The following RYR3 variants were observed in gnomAD, a reference collection of about 807,000 sequenced individuals.
The protein encoded by RYR3 is brain ryanodine receptor-calcium release channel.
RYR3 carries 207 observed loss-of-function variants against 584.3 expected under a neutral mutation model. The observed-to-expected ratio is 0.35, with a 90% CI of 0.32 to 0.40. The LOEUF is 0.40. Among genes scored for constraint, RYR3 ranks in the 10% least tolerant of loss-of-function variants. RYR3 has a pLI of 1.00. For missense variants in RYR3, 5,616 were observed against 6,089.2 expected (o/e 0.92, Z 2.59); for synonymous variants, 2,416 against 2,248.5 (o/e 1.07, Z -2.11).
chr15:33,624,501 T>G (rs992297546), intron 20 of RYR3, among the ~76,000 whole-genome samples: 2 of 151,948 alleles, frequency 1.3e-5, no homozygotes, highest in African/African-American at 4.8e-5. Flanking sequence ...ATAAAAGAAA[T>G]GGTATAAATA....
chr15:33,576,116 A>G (rs559765536), intron 12 of RYR3, among the ~76,000 whole-genome samples: 1 of 152,292 alleles, frequency 6.6e-6, no homozygotes, highest in South Asian at 2.1e-4. Context: ...AGGCAGTAAT[A>G]AATAGCCTAC....
Position 33,570,807 on chromosome 15 carries a change from G to A in RYR3, c.1268+4008G>A, listed in dbSNP as rs148856825. Among the ~76,000 whole-genome samples the A allele has an allele frequency of 4.4e-4, 63 of 144,578 alleles. 2 individuals carry two copies. In the East Asian group the frequency reaches 0.012, roughly 28 times the overall value. The allele number at this position is 144,578 out of a possible 152,430, so 94.8% of individuals were successfully genotyped here. On this transcript the variant is annotated intron_variant, in intron 12 of 103. Coordinates refer to ENST00000634891, the MANE Select transcript of RYR3 (RefSeq NM_001036.6). Reference sequence around the variant, plus strand: ...CTTCTTTTATGAAATGTATTCCTATGTATTTGATTCTTTTTGGTGCTACTA... The same window carrying A: ...CTTCTTTTATGAAATGTATTCCTATATATTTGATTCTTTTTGGTGCTACTA...
intron 1 of RYR3, among the ~76,000 whole-genome samples, chr15:33,464,517 CAT>C (rs2048334471): frequency 7.7e-6 from 1 of 129,152 alleles, no homozygotes; most frequent in African/African-American, 2.8e-5. Flanking sequence ...TACACATACA[CAT>C]ATATGTACAT....
At chr15:33,836,795 A>G in intron 87 of RYR3, 111 bp from the exon 88 acceptor site, 1 of 722,274 alleles carries the variant, frequency 1.4e-6, no homozygotes, top group Admixed American at 2.4e-5. Context: ...CTCTTTCCCG[A>G]CACTGATGCA....
chr15:33,670,354 C>G, intron 37 of RYR3, 65 bp from the exon 38 acceptor site: 3 of 1,553,148 alleles, frequency 1.9e-6, no homozygotes, highest in East Asian at 2.3e-5. Context: ...TTTAAATGTT[C>G]TTTGTGACAC....
At chr15:33,570,533 C>A (rs1423424884) in intron 12 of RYR3, among the ~76,000 whole-genome samples, 3 of 152,030 alleles carry the variant, frequency 2.0e-5, no homozygotes, top group African/African-American at 7.2e-5. Context: ...CAATTTTTTA[C>A]TTCTTTGCAA....
At chr15:33,410,038 CTATT>C (rs1393897074) in intron 1 of RYR3, among the ~76,000 whole-genome samples, 1 of 152,172 alleles carries the variant, frequency 6.6e-6, no homozygotes, top group Non-Finnish European at 1.5e-5. Flanking sequence ...TTGAAGGAAA[CTATT>C]TATATTCCCT....
chr15:33,689,522 T>C lies in RYR3; in HGVS notation c.5861-6696T>C, dbSNP rs184423033. On this transcript the variant is annotated intron_variant, in intron 38 of 103. Coordinates refer to ENST00000634891, the MANE Select transcript of RYR3 (RefSeq NM_001036.6). ...GGAACATAGCATTCCAAAATAATCATAGCAAAGCATAATGTCTTTTTCATC... is the reference window on the plus strand; with the variant it reads ...GGAACATAGCATTCCAAAATAATCACAGCAAAGCATAATGTCTTTTTCATC... Among the ~76,000 whole-genome samples, 4 of 152,282 alleles carry C rather than the reference T, an allele frequency of 2.6e-5. No homozygotes were observed. The East Asian group carries it at 7.7e-4, about 29-fold the overall frequency.
intron 1 of RYR3, among the ~76,000 whole-genome samples, chr15:33,391,861 CTG>C (rs1353315299): frequency 6.6e-6 from 1 of 152,066 alleles, no homozygotes; most frequent in Non-Finnish European, 1.5e-5. Context: ...CTCTGCAACA[CTG>C]TATCCTTATG....
chr15:33,735,366 C>T (rs185365374), intron 48 of RYR3, among the ~76,000 whole-genome samples: 1 of 152,198 alleles, frequency 6.6e-6, no homozygotes, highest in African/African-American at 2.4e-5. Flanking sequence ...CTTTTGTTCT[C>T]CATCTGCATA....
intron 85 of RYR3, among the ~76,000 whole-genome samples, chr15:33,830,475 C>T (rs1406073053): frequency 6.6e-6 from 1 of 152,208 alleles, no homozygotes; most frequent in Non-Finnish European, 1.5e-5. Flanking sequence ...GTAAACATAA[C>T]TTTGATGTAC....
intron 100 of RYR3, 66 bp downstream of exon 100, chr15:33,859,797 T>A (rs970026897): frequency 8.1e-6 from 12 of 1,473,998 alleles, no homozygotes; most frequent in Admixed American, 2.0e-5. Flanking sequence ...TTCTTCCATC[T>A]ATGACTTAAT....
At chr15:33,717,046 T>A (rs1596297312) in intron 43 of RYR3, among the ~76,000 whole-genome samples, 1 of 152,214 alleles carries the variant, frequency 6.6e-6, no homozygotes. Flanking sequence ...GCATATTTCA[T>A]GAAAAAGCTA....
At chr15:33,559,686 G>A (rs2057299063) in intron 10 of RYR3, among the ~76,000 whole-genome samples, 1 of 152,198 alleles carries the variant, frequency 6.6e-6, no homozygotes, top group South Asian at 2.1e-4. Flanking sequence ...CCAGCTAGAG[G>A]AGGTCTGGCT....
intron 2 of RYR3, among the ~76,000 whole-genome samples, chr15:33,499,111 C>T (rs906520476): frequency 1.1e-4 from 16 of 152,034 alleles, no homozygotes; most frequent in Admixed American, 2.0e-4. Flanking sequence ...CAAGAGTACC[C>T]AAGACCCAGT....
chr15:33,758,237 A>G (rs1309651690), intron 60 of RYR3, among the ~76,000 whole-genome samples: 1 of 152,196 alleles, frequency 6.6e-6, no homozygotes, highest in African/African-American at 2.4e-5. Flanking sequence ...ACACTGAGCT[A>G]GCTGCAGAAG....
At chr15:33,583,055 C>T (rs2058674049) in intron 14 of RYR3, among the ~76,000 whole-genome samples, 1 of 152,166 alleles carries the variant, frequency 6.6e-6, no homozygotes, top group Non-Finnish European at 1.5e-5. Context: ...GCAGTATCAT[C>T]TGCCAGTGGC....
intron 60 of RYR3, among the ~76,000 whole-genome samples, chr15:33,760,076 A>G (rs936994327): frequency 1.3e-5 from 2 of 152,218 alleles, no homozygotes; most frequent in African/African-American, 4.8e-5. Context: ...CTTTACAGAC[A>G]AGCAAATGCT....
intron 36 of RYR3, among the ~76,000 whole-genome samples, chr15:33,665,601 G>A (rs2063451750): frequency 6.6e-6 from 1 of 152,176 alleles, no homozygotes. Flanking sequence ...ATCTTGGGAA[G>A]GACAAGGTTT....
Sources: allele counts gnomAD v4.1 joint callset (sites outside exome capture counted in the v4.1 genomes callset), GRCh38; gene constraint gnomAD v4.1.1; transcripts MANE v1.5; gene names NCBI Gene and HGNC (gene_info 2026-07-23, HGNC 2026-07-21).